Variants in CEP57L1 observed in about 807,000 individuals in gnomAD.
CEP57L1 encodes the protein centrosomal protein CEP57L1.
Under a neutral mutation model 61.0 loss-of-function variants are expected in CEP57L1, and 37 were observed. The observed-to-expected ratio is 0.61, with a 90% CI of 0.47 to 0.80. The LOEUF is 0.80. Ranked by LOEUF, CEP57L1 falls within the 30% of genes least tolerant of loss-of-function variation. CEP57L1 has a pLI of 0.00. For synonymous variants in CEP57L1, 137 were observed against 162.3 expected, an observed-to-expected ratio of 0.84 and a Z score of 1.19; for missense variants, 422 against 524.7, an observed-to-expected ratio of 0.80 and a Z score of 1.91.
At chr6:109,095,207 G>A (rs962552147), upstream of CEP57L1, 45 of 985,528 alleles carry the variant, frequency 4.6e-5, no homozygotes, top group African/African-American at 7.0e-4. Context: ...GGCGGTTTCC[G>A]TTCCCGGACG....
intron 6 of CEP57L1, 47 bp downstream of exon 6, chr6:109,155,354 T>C: frequency 3.0e-6 from 3 of 1,012,770 alleles, no homozygotes; most frequent in Non-Finnish European, 4.2e-6. Flanking sequence ...ATATATGTTT[T>C]ATTATATTTT....
intron 10 of CEP57L1, among the ~76,000 whole-genome samples, chr6:109,161,321 T>G (rs1773698273): frequency 6.6e-6 from 1 of 152,194 alleles, no homozygotes; most frequent in South Asian, 2.1e-4. Context: ...AATCATGGAA[T>G]GTAATATTTA....
chr6:109,120,596 A>G (rs1333995060), intron 1 of CEP57L1, among the ~76,000 whole-genome samples: 1 of 152,014 alleles, frequency 6.6e-6, no homozygotes, highest in African/African-American at 2.4e-5. Flanking sequence ...GATATTAAAA[A>G]ACATGTTAAC....
intron 1 of CEP57L1, among the ~76,000 whole-genome samples, chr6:109,121,992 C>A (rs73762647): frequency 6.6e-6 from 1 of 152,152 alleles, no homozygotes; most frequent in African/African-American, 2.4e-5. Context: ...ATTTCAGTGG[C>A]TTTAAGATGC....
chr6:109,131,057 A>G (rs185302861), intron 1 of CEP57L1, among the ~76,000 whole-genome samples: 5 of 152,164 alleles, frequency 3.3e-5, no homozygotes, highest in African/African-American at 1.2e-4. Context: ...ATGATTTTTC[A>G]TATCTATCAA....
intron 1 of CEP57L1, among the ~76,000 whole-genome samples, chr6:109,141,308 C>T (rs1207924563): frequency 3.3e-5 from 5 of 151,996 alleles, no homozygotes; most frequent in Non-Finnish European, 5.9e-5. Context: ...CTCCACCTCC[C>T]AGGTTCAAGT....
intron 1 of CEP57L1, among the ~76,000 whole-genome samples, chr6:109,107,172 CTT>C (rs995834792): frequency 1.1e-4 from 16 of 152,122 alleles, no homozygotes; most frequent in African/African-American, 3.4e-4. Context: ...ATAAATTAGA[CTT>C]ATATTTTTAA....
rs1392819919 is a variant in CEP57L1, at chr6:109,171,036, A to G, written c.*8066A>G. On this transcript the variant is annotated 3_prime_UTR_variant, in exon 11 of 11. Transcript: ENST00000517392. ...TAAGCTTAGAAAAATTTATATCAGT[A>G]TTACATTCTTGATTCTCTCAAGGTA... Among the ~76,000 whole-genome samples the G allele has an allele frequency of 6.6e-6, 1 of 152,202 alleles. No individual in the cohort carries two copies. Among genetic ancestry groups the G allele is most frequent in the Non-Finnish European group, 1.5e-5 (1 of 68,044 alleles).
intron 1 of CEP57L1, among the ~76,000 whole-genome samples, chr6:109,120,389 A>G (rs1222551227): frequency 1.3e-5 from 2 of 152,208 alleles, no homozygotes; most frequent in Admixed American, 6.5e-5. Flanking sequence ...GTTGATGCGT[A>G]TGATAGGAAA....
At position 109,147,521 on chromosome 6, in the gene CEP57L1, C is replaced by T. The variant is rs115127772; in HGVS notation, c.340+584C>T. Among the ~76,000 whole-genome samples, 1,205 of 152,204 alleles carry T rather than the reference C, an allele frequency of 7.9e-3. 20 individuals are homozygous for T. Among genetic ancestry groups the T allele is most frequent in the African/African-American group, 0.028 (1,155 of 41,532 alleles). ...CTTAAGACTTTCTTTTTCCTTTTTA[C>T]ACTACACTCATCCTCATAAACAAGG... On this transcript the variant is annotated intron_variant, in intron 3 of 10. Transcript: ENST00000517392.
upstream of CEP57L1, chr6:109,095,238 A>G: frequency 2.0e-6 from 2 of 985,550 alleles, no homozygotes; most frequent in Non-Finnish European, 2.4e-6. Flanking sequence ...GTCCTGGAGA[A>G]GGGGAAGGAA....
At chr6:109,162,682 C>A in intron 10 of CEP57L1, 67 bp from the exon 11 acceptor site, 1 of 1,001,720 alleles carries the variant, frequency 1.0e-6, no homozygotes, top group Non-Finnish European at 1.5e-6. Flanking sequence ...TCAATTCAAC[C>A]TATCTATTTT....
At position 109,125,573 on chromosome 6, in the gene CEP57L1, C is replaced by T. The variant is rs1773467871; in HGVS notation, c.-3-19646C>T. Among the ~76,000 whole-genome samples, 3 of 148,216 alleles carry T rather than the reference C, an allele frequency of 2.0e-5. No homozygotes were observed. The South Asian group carries it at 6.3e-4, about 31-fold the overall frequency. On this transcript the variant is annotated intron_variant, in intron 1 of 10. Transcript: ENST00000517392. ...ACTCTGTCTGTCTTTACTAAGTTTA[C>T]CATCAACCATTCTAAAGAGAAAAGG...
intron 1 of CEP57L1, among the ~76,000 whole-genome samples, chr6:109,105,758 C>T (rs925429356): frequency 1.3e-5 from 2 of 152,202 alleles, no homozygotes; most frequent in Admixed American, 1.3e-4. Flanking sequence ...GATCCCCAAC[C>T]CTCGGGCCAT....
At position 109,146,905 on chromosome 6, in the gene CEP57L1, T is replaced by G; in HGVS notation, c.308T>G (p.Leu103Arg). 6.2e-7 allele frequency: 1 copy of G among 1,608,930 alleles called. No individual in the cohort carries two copies. Among genetic ancestry groups the G allele is most frequent in the Non-Finnish European group, 8.5e-7 (1 of 1,178,114 alleles). ...ALENETNERN[L>R]AHQELIKQKK... ...GAGAATGAAACAAATGAGAGAAATC[T>G]GGCACACCAGGAGCTGATAAAGCAG... is the stretch of plus-strand genomic sequence containing the variant. The change falls in exon 3 of 11, where the codon CTG becomes CGG. Residue 103 changes from leucine (L) to arginine (R), a missense_variant. By Grantham distance (102) the Leu-to-Arg change is moderately radical (BLOSUM62 -2). Transcript: ENST00000517392.
rs1382404369 is a variant in CEP57L1 at position 109,146,745 on chromosome 6, T to C, written c.161-13T>C. The C allele has an allele frequency of 2.6e-6, 4 of 1,525,020 alleles. No homozygotes were observed. The highest frequency in any genetic ancestry group is 3.5e-6 in the Non-Finnish European group (4 of 1,137,762). The allele number at this position is 1,525,020 out of a possible 1,614,324, so 94.5% of individuals were successfully genotyped here. On this transcript the variant is annotated splice_polypyrimidine_tract_variant and intron_variant, in intron 2 of 10. Coordinates refer to ENST00000517392, the MANE Select transcript of CEP57L1 (RefSeq NM_001271852.3). ...CTTTCACTTAAAATATCAACAAAAT[T>C]TTTTTTCAACAGCTCTTATTTTAGC...
At chr6:109,115,538 A>T (rs1331328156) in intron 1 of CEP57L1, among the ~76,000 whole-genome samples, 2 of 152,182 alleles carry the variant, frequency 1.3e-5, no homozygotes, top group Non-Finnish European at 1.5e-5. Context: ...GTGTGCACTC[A>T]GGGAATGCAA....
rs1373030280 is a variant in CEP57L1, at chr6:109,135,154, C to T, written c.-3-10065C>T. On this transcript the variant is annotated intron_variant, in intron 1 of 10. Transcript: ENST00000517392. ...AAGCTGGAGGCATCATGCTACCTGACTTCAAACTACGCTACAAGGCTACAG... is the reference window on the plus strand; with the variant it reads ...AAGCTGGAGGCATCATGCTACCTGATTTCAAACTACGCTACAAGGCTACAG... Among the ~76,000 whole-genome samples the T allele has an allele frequency of 5.9e-5, 9 of 152,310 alleles. No individual in the cohort carries two copies. In the East Asian group the frequency reaches 1.7e-3, roughly 29 times the overall value.
In CEP57L1 at chr6:109,170,954, A is replaced by G. The variant is rs78813942; in HGVS notation, c.*7984A>G. Among the ~76,000 whole-genome samples the G allele has an allele frequency of 7.5e-3, 1,145 of 152,334 alleles. 18 individuals carry two copies. The highest frequency in any genetic ancestry group is 0.026 in the African/African-American group (1,096 of 41,570). On this transcript the variant is annotated 3_prime_UTR_variant, in exon 11 of 11. Transcript: ENST00000517392. ...GATATCTGCTTTTACTTTAATCTAA[A>G]AAATAATTGATTTTTTAAAAAACTT...
Sources: allele counts gnomAD v4.1 joint callset (sites outside exome capture counted in the v4.1 genomes callset), GRCh38; gene constraint gnomAD v4.1.1; transcripts MANE v1.5; gene names NCBI Gene and HGNC (gene_info 2026-07-23, HGNC 2026-07-21).